Variants in EPHA3 observed in about 807,000 individuals in gnomAD.
EPHA3 encodes the protein EPH receptor A3.
Under a neutral mutation model 107.1 loss-of-function variants are expected in EPHA3, and 42 were observed. The ratio of observed to expected loss-of-function variants is 0.39; its 90% CI spans 0.31 to 0.51. The LOEUF is 0.51. Among genes scored for constraint, EPHA3 ranks in the 20% least tolerant of loss-of-function variants. The pLI, the probability that EPHA3 is intolerant of heterozygous loss-of-function variation, is 0.78. For missense variants in EPHA3, 1,183 were observed against 1,211.2 expected, an observed-to-expected ratio of 0.98 and a Z score of 0.35; for synonymous variants, 461 against 424.8, an observed-to-expected ratio of 1.09 and a Z score of -1.05.
In EPHA3 at chr3:89,432,079, C is replaced by A. The variant is rs1218448761; in HGVS notation, c.2346+720C>A. ...TTTAAAGCAAACCCTAATTAGTGAGCAAATTATTATTATATTTAATTTTTC... is the reference window on the plus strand; with the variant it reads ...TTTAAAGCAAACCCTAATTAGTGAGAAAATTATTATTATATTTAATTTTTC... On this transcript the variant is annotated intron_variant, in intron 13 of 16. Coordinates refer to ENST00000336596, the MANE Select transcript of EPHA3 (RefSeq NM_005233.6). Among the ~76,000 whole-genome samples the A allele has an allele frequency of 3.3e-5, 5 of 151,838 alleles. No homozygotes were observed. In the East Asian group the frequency reaches 9.7e-4, roughly 29 times the overall value.
intron 5 of EPHA3, among the ~76,000 whole-genome samples, chr3:89,374,800 G>A (rs539747152): frequency 6.6e-6 from 1 of 151,498 alleles, no homozygotes; most frequent in Non-Finnish European, 1.5e-5. Flanking sequence ...GCCACATTCC[G>A]AGCACATAAC....
At chr3:89,179,478 T>C (rs1469849397) in intron 2 of EPHA3, among the ~76,000 whole-genome samples, 3 of 152,058 alleles carry the variant, frequency 2.0e-5, no homozygotes, top group Non-Finnish European at 4.4e-5. Flanking sequence ...AGTCTCTTTA[T>C]GATCTTTGGT....
chr3:89,198,448 C>A (rs971243245), intron 2 of EPHA3, among the ~76,000 whole-genome samples: 1 of 152,086 alleles, frequency 6.6e-6, no homozygotes, highest in African/African-American at 2.4e-5. Context: ...AACACAGGGT[C>A]TTTTATCTCT....
intron 10 of EPHA3, among the ~76,000 whole-genome samples, chr3:89,414,452 A>C (rs1303550425): frequency 6.6e-6 from 1 of 151,668 alleles, no homozygotes; most frequent in Non-Finnish European, 1.5e-5. Flanking sequence ...ATCCAGTGCC[A>C]AAACAGATAT....
intron 2 of EPHA3, among the ~76,000 whole-genome samples, chr3:89,144,268 A>G (rs143958718): frequency 1.8e-4 from 28 of 151,776 alleles, no homozygotes; most frequent in African/African-American, 6.3e-4. Context: ...TGGCAACCAC[A>G]GATCTTTTTG....
intron 15 of EPHA3, among the ~76,000 whole-genome samples, chr3:89,457,383 G>A (rs1370864184): frequency 2.6e-5 from 4 of 152,192 alleles, no homozygotes; most frequent in South Asian, 2.1e-4. Flanking sequence ...GAGCATTACC[G>A]CCTGAGCTCT....
At chr3:89,235,873 G>C (rs1376879767) in intron 3 of EPHA3, among the ~76,000 whole-genome samples, 1 of 151,468 alleles carries the variant, frequency 6.6e-6, no homozygotes, top group African/African-American at 2.4e-5. Flanking sequence ...AATATATAAA[G>C]AATTTCTATG....
intron 3 of EPHA3, among the ~76,000 whole-genome samples, chr3:89,301,539 T>C (rs967529238): frequency 1.1e-4 from 17 of 152,186 alleles, no homozygotes; most frequent in African/African-American, 3.8e-4. Context: ...AATTTACATA[T>C]TTAAGTATTT....
intron 3 of EPHA3, among the ~76,000 whole-genome samples, chr3:89,305,800 T>C (rs1267016082): frequency 6.6e-6 from 1 of 152,190 alleles, no homozygotes; most frequent in East Asian, 1.9e-4. Context: ...TATTTTATAA[T>C]ACAGAGAATA....
chr3:89,240,929 A>G (rs74412005), intron 3 of EPHA3, among the ~76,000 whole-genome samples: 5,180 of 152,210 alleles, frequency 0.034, 300 homozygotes, highest in African/African-American at 0.12. Context: ...AAAATAACAC[A>G]GTACATCTTG....
chr3:89,117,146 G>A (rs1444024144), intron 1 of EPHA3, among the ~76,000 whole-genome samples: 2 of 151,942 alleles, frequency 1.3e-5, no homozygotes, highest in Non-Finnish European at 2.9e-5. Context: ...GTTTCTTCTC[G>A]ATTTTTAATA....
At chr3:89,169,791 A>G (rs1705168074) in intron 2 of EPHA3, among the ~76,000 whole-genome samples, 1 of 152,156 alleles carries the variant, frequency 6.6e-6, no homozygotes, top group African/African-American at 2.4e-5. Flanking sequence ...ATGTATGTAA[A>G]TTCTACTTCA....
At chr3:89,184,719 G>T (rs556975025) in intron 2 of EPHA3, among the ~76,000 whole-genome samples, 1 of 151,966 alleles carries the variant, frequency 6.6e-6, no homozygotes, top group Non-Finnish European at 1.5e-5. Context: ...CTCTTGAAAT[G>T]GATTCGTTTC....
chr3:89,243,410 G>A (rs887349754), intron 3 of EPHA3, among the ~76,000 whole-genome samples: 2 of 152,090 alleles, frequency 1.3e-5, no homozygotes, highest in African/African-American at 4.8e-5. Flanking sequence ...ATCCTCTCTA[G>A]CACCTGTTGT....
At chr3:89,177,035 C>G (rs557259264) in intron 2 of EPHA3, among the ~76,000 whole-genome samples, 49 of 152,010 alleles carry the variant, frequency 3.2e-4, no homozygotes, top group African/African-American at 1.2e-3. Flanking sequence ...CAAAACCAAA[C>G]GCTTACTTAT....
chr3:89,209,310 A>T (rs1024960722), intron 2 of EPHA3, among the ~76,000 whole-genome samples: 2 of 151,444 alleles, frequency 1.3e-5, no homozygotes, highest in African/African-American at 4.9e-5. Flanking sequence ...TTTACTTCAA[A>T]TTTTTTTTTC....
chr3:89,268,649 C>A (rs570490094), intron 3 of EPHA3, among the ~76,000 whole-genome samples: 2 of 151,796 alleles, frequency 1.3e-5, no homozygotes, highest in East Asian at 3.9e-4. Context: ...TAAATTATAT[C>A]TATGACATAT....
chr3:89,199,170 T>C (rs1459717665), intron 2 of EPHA3, among the ~76,000 whole-genome samples: 2 of 152,192 alleles, frequency 1.3e-5, no homozygotes, highest in Non-Finnish European at 2.9e-5. Flanking sequence ...AACAGTGTAT[T>C]TTTTTCTTTC....
Position 89,210,223 on chromosome 3 carries a change from C to T in EPHA3, c.517C>T (p.Pro173Ser). 1.2e-6 allele frequency: 2 copies of T among 1,613,958 alleles called. No homozygotes were observed. The highest frequency in any genetic ancestry group is 1.3e-5 in the African/African-American group (1 of 75,004). Reference sequence around the variant, plus strand: ...CAACACTGAGATTAGAGAAGTAGGTCCTGTCAACAAGAAGGGATTTTATTT... The same window carrying T: ...CAACACTGAGATTAGAGAAGTAGGTTCTGTCAACAAGAAGGGATTTTATTT... ...KLNTEIREVG[P>S]VNKKGFYLAF... The change falls in exon 3 of 17, where the codon CCT becomes TCT. Residue 173 changes from proline (P) to serine (S), a missense_variant. Coordinates refer to ENST00000336596, the MANE Select transcript of EPHA3 (RefSeq NM_005233.6).
Sources: allele counts gnomAD v4.1 joint callset (sites outside exome capture counted in the v4.1 genomes callset), GRCh38; gene constraint gnomAD v4.1.1; transcripts MANE v1.5; gene names NCBI Gene and HGNC (gene_info 2026-07-23, HGNC 2026-07-21).